Variants in CDH10 observed in about 807,000 individuals in gnomAD.
CDH10 encodes the protein cadherin-10.
In CDH10, 30 loss-of-function variants were observed where a neutral mutation model predicts 73.1. The ratio of observed to expected loss-of-function variants is 0.41; its 90% CI spans 0.31 to 0.56. The LOEUF (loss-of-function observed/expected upper bound fraction) is 0.56. CDH10 is among the 20% of genes least tolerant of loss of function. The pLI is 0.27. For missense variants in CDH10, 815 were observed against 973.7 expected (o/e 0.84, Z 2.17); for synonymous variants, 345 against 348.2 (o/e 0.99, Z 0.10).
chr5:24,563,361 CA>C (rs1745030049), intron 2 of CDH10, among the ~76,000 whole-genome samples: 1 of 48,034 alleles, frequency 2.1e-5, no homozygotes, highest in East Asian at 4.2e-4. Flanking sequence ...TACGCCTTTA[CA>C]GACAGTGATA....
intron 8 of CDH10, among the ~76,000 whole-genome samples, chr5:24,499,973 C>T (rs1742430455): frequency 6.6e-6 from 1 of 152,028 alleles, no homozygotes; most frequent in Admixed American, 6.6e-5. Flanking sequence ...CAATATAATG[C>T]AATAAAGACT....
At chr5:24,551,495 T>C (rs1344982537) in intron 2 of CDH10, among the ~76,000 whole-genome samples, 1 of 152,148 alleles carries the variant, frequency 6.6e-6, no homozygotes, top group East Asian at 1.9e-4. Context: ...AGCATTCATT[T>C]TATGGTTACT....
intron 3 of CDH10, among the ~76,000 whole-genome samples, chr5:24,536,998 A>G (rs1046962463): frequency 4.0e-5 from 6 of 151,842 alleles, no homozygotes; most frequent in African/African-American, 1.5e-4. Context: ...TGACTAGAGT[A>G]TATGTGAAGA....
intron 1 of CDH10, among the ~76,000 whole-genome samples, chr5:24,625,371 G>A (rs1747457881): frequency 6.6e-6 from 1 of 151,912 alleles, no homozygotes; most frequent in South Asian, 2.1e-4. Context: ...AATAGCAAGA[G>A]TAGATGTGGA....
intron 2 of CDH10, among the ~76,000 whole-genome samples, chr5:24,547,595 G>T (rs1744390047): frequency 6.6e-6 from 1 of 152,034 alleles, no homozygotes; most frequent in East Asian, 1.9e-4. Flanking sequence ...GTTGAATAGA[G>T]TCTGTAGGAG....
chr5:24,505,313 G>A (rs868847730), intron 7 of CDH10, 65 bp from the exon 8 acceptor site: 21 of 1,283,690 alleles, frequency 1.6e-5, no homozygotes, highest in Non-Finnish European at 2.0e-5. Flanking sequence ...AAAAAATAGT[G>A]AAATGCAAAC....
At chr5:24,588,421 T>A (rs1282126726) in intron 2 of CDH10, among the ~76,000 whole-genome samples, 4 of 152,220 alleles carry the variant, frequency 2.6e-5, no homozygotes, top group African/African-American at 9.6e-5. Flanking sequence ...ATAATTTTTT[T>A]AAATTACTTG....
chr5:24,527,954 T>G (rs930350321), intron 5 of CDH10, among the ~76,000 whole-genome samples: 1 of 151,940 alleles, frequency 6.6e-6, no homozygotes, highest in African/African-American at 2.4e-5. Context: ...ATCCTGTAGG[T>G]AATTTCTTAC....
Position 24,586,851 on chromosome 5 carries a change from T to C in CDH10, c.231+6409A>G, listed in dbSNP as rs991665915. Among the ~76,000 whole-genome samples, 31 of 134,912 alleles carry C rather than the reference T, an allele frequency of 2.3e-4. 1 individual carries two copies. Among genetic ancestry groups the C allele is most frequent in the Non-Finnish European group, 3.2e-4 (20 of 62,468 alleles). 88.5% of individuals were successfully genotyped at this position (134,912 alleles called of 152,430 possible). A position where few individuals can be genotyped will look rare whatever the true frequency, so the allele number is the denominator to read the frequency against. On this transcript the variant is annotated intron_variant, in intron 2 of 11. Transcript: ENST00000264463. Reference sequence around the variant, plus strand: ...ATAAGATAGCCCATATTCTTTTTTTTTTTTTTTTTTTGAGCCGGAGTCTCG... The same window carrying C: ...ATAAGATAGCCCATATTCTTTTTTTCTTTTTTTTTTTGAGCCGGAGTCTCG...
chr5:24,600,593 TGTGCGTGC>T (rs751810520), intron 1 of CDH10, among the ~76,000 whole-genome samples: 17 of 151,884 alleles, frequency 1.1e-4, no homozygotes, highest in Non-Finnish European at 2.2e-4. Flanking sequence ...AGAGCGTCGG[TGTGCGTGC>T]GTGCGTGTGT....
intron 8 of CDH10, 89 bp downstream of exon 8, chr5:24,505,023 A>C: frequency 1.1e-6 from 1 of 921,262 alleles, no homozygotes; most frequent in Non-Finnish European, 1.6e-6. Flanking sequence ...TTTAATGTAA[A>C]ATAAAACCTA....
intron 1 of CDH10, among the ~76,000 whole-genome samples, chr5:24,598,178 T>C (rs904268897): frequency 6.6e-6 from 1 of 152,006 alleles, no homozygotes; most frequent in African/African-American, 2.4e-5. Context: ...TACCATTTTA[T>C]GCATCTAGTC....
intron 2 of CDH10, among the ~76,000 whole-genome samples, chr5:24,551,870 C>T (rs1273826448): frequency 1.3e-5 from 2 of 152,060 alleles, no homozygotes; most frequent in Non-Finnish European, 2.9e-5. Flanking sequence ...TGATATCTAT[C>T]CAAATAAACA....
chr5:24,605,958 TA>T (rs1189956004), intron 1 of CDH10, among the ~76,000 whole-genome samples: 8 of 152,146 alleles, frequency 5.3e-5, no homozygotes, highest in African/African-American at 1.9e-4. Context: ...CTAAATAGAA[TA>T]AGCCAGCCTC....
At chr5:24,634,278 C>T (rs1747801219) in intron 1 of CDH10, among the ~76,000 whole-genome samples, 1 of 151,608 alleles carries the variant, frequency 6.6e-6, no homozygotes, top group South Asian at 2.1e-4. Context: ...TAAATGAAAG[C>T]AAAATAGATG....
At chr5:24,562,837 CACTT>C (rs1278523156) in intron 2 of CDH10, among the ~76,000 whole-genome samples, 3 of 151,946 alleles carry the variant, frequency 2.0e-5, no homozygotes, top group Admixed American at 6.6e-5. Context: ...AACTTTGAAA[CACTT>C]ACAAACTTAT....
chr5:24,563,684 G>A (rs554321708), intron 2 of CDH10, among the ~76,000 whole-genome samples: 2 of 149,836 alleles, frequency 1.3e-5, no homozygotes, highest in Non-Finnish European at 3.0e-5. Flanking sequence ...GCAGGAGAAA[G>A]GCCTGAACCT....
chr5:24,490,059 T>C (rs1741994264), intron 11 of CDH10, among the ~76,000 whole-genome samples: 1 of 152,078 alleles, frequency 6.6e-6, no homozygotes, highest in Non-Finnish European at 1.5e-5. Flanking sequence ...GTGAAAAAGG[T>C]TGTCATGGCA....
intron 1 of CDH10, among the ~76,000 whole-genome samples, chr5:24,642,069 C>A (rs1748071861): frequency 1.3e-5 from 2 of 152,010 alleles, no homozygotes; most frequent in Admixed American, 1.3e-4. Flanking sequence ...TACCCAAGGG[C>A]TACACTAGAG....
Sources: allele counts gnomAD v4.1 joint callset (sites outside exome capture counted in the v4.1 genomes callset), GRCh38; gene constraint gnomAD v4.1.1; transcripts MANE v1.5; gene names NCBI Gene and HGNC (gene_info 2026-07-23, HGNC 2026-07-21).